Variants in MPDZ observed in about 807,000 individuals in gnomAD.
The protein encoded by MPDZ is multiple PDZ domain crumbs cell polarity complex component.
MPDZ carries 234 observed loss-of-function variants against 239.1 expected under a neutral mutation model. That is an observed-to-expected ratio of 0.98 (90% CI 0.88 to 1.09). The LOEUF (loss-of-function observed/expected upper bound fraction) is 1.09, where lower values mean the gene tolerates loss of function less well. Among genes scored for constraint, MPDZ ranks in the 50% least tolerant of loss-of-function variants. The probability of loss-of-function intolerance (pLI) is 0.00; values close to 1 mark genes in which losing one functional copy is unlikely to be tolerated. For synonymous variants in MPDZ, 1,048 were observed against 881.3 expected, an observed-to-expected ratio of 1.19 and a Z score of -3.35; for missense variants, 3,175 against 2,510.0, an observed-to-expected ratio of 1.26 and a Z score of -5.66.
At chr9:13,139,663 C>T (rs554410199) in intron 28 of MPDZ, among the ~76,000 whole-genome samples, 27 of 152,202 alleles carry the variant, frequency 1.8e-4, no homozygotes, top group Admixed American at 3.3e-4. Flanking sequence ...GAATCTGATG[C>T]CCAGAAAGGG....
At chr9:13,222,585 T>G (rs1005351232) in intron 5 of MPDZ, 139 bp from the exon 6 acceptor site, 4 of 684,618 alleles carry the variant, frequency 5.8e-6, no homozygotes, top group Non-Finnish European at 9.8e-6. Context: ...CAGTTCTACT[T>G]TAAAAAAAAT....
At chr9:13,169,963 T>C (rs918322272) in intron 21 of MPDZ, among the ~76,000 whole-genome samples, 19 of 152,180 alleles carry the variant, frequency 1.2e-4, no homozygotes, top group Admixed American at 1.0e-3. Flanking sequence ...ACAGACTCTA[T>C]CTGAATTAAT....
At chr9:13,201,347 TTCAG>T (rs1452327959) in intron 12 of MPDZ, among the ~76,000 whole-genome samples, 2 of 149,906 alleles carry the variant, frequency 1.3e-5, no homozygotes, top group African/African-American at 4.8e-5. Flanking sequence ...TCTTGATGCT[TTCAG>T]TATTTTTTTT....
At chr9:13,216,580 G>C (rs929355219) in intron 10 of MPDZ, among the ~76,000 whole-genome samples, 194 bp downstream of exon 10, 2 of 151,902 alleles carry the variant, frequency 1.3e-5, no homozygotes, top group Non-Finnish European at 2.9e-5. Flanking sequence ...ACTGAGATGA[G>C]TAAAGCTTAT....
At chr9:13,228,692 C>G (rs1381286461) in intron 3 of MPDZ, among the ~76,000 whole-genome samples, 1 of 152,094 alleles carries the variant, frequency 6.6e-6, no homozygotes, top group Non-Finnish European at 1.5e-5. Flanking sequence ...ATTTCATAAT[C>G]ATAAACATCT....
chr9:13,243,902 A>G (rs982477732), intron 3 of MPDZ, among the ~76,000 whole-genome samples: 5 of 152,212 alleles, frequency 3.3e-5, no homozygotes, highest in African/African-American at 1.2e-4. Flanking sequence ...TCTGAAGGTC[A>G]CTGACGAGGA....
At chr9:13,157,298 T>C (rs1261161739) in intron 24 of MPDZ, among the ~76,000 whole-genome samples, 2 of 152,190 alleles carry the variant, frequency 1.3e-5, no homozygotes, top group East Asian at 1.9e-4. Context: ...CTTGTGTTCT[T>C]AAATTGTTTC....
chr9:13,274,749 G>C (rs1003746191), intron 1 of MPDZ: 4 of 151,466 alleles, frequency 2.6e-5, no homozygotes, highest in African/African-American at 9.7e-5. Context: ...ACACGTATAA[G>C]ACAGACAGTT....
At chr9:13,264,043 C>A (rs1275347332) in intron 1 of MPDZ, among the ~76,000 whole-genome samples, 1 of 152,006 alleles carries the variant, frequency 6.6e-6, no homozygotes, top group Non-Finnish European at 1.5e-5. Flanking sequence ...AGTATCATAC[C>A]TTTTCCTATT....
At chr9:13,137,746 C>T (rs769356455) in intron 29 of MPDZ, among the ~76,000 whole-genome samples, 2 of 152,188 alleles carry the variant, frequency 1.3e-5, no homozygotes, top group Non-Finnish European at 2.9e-5. Flanking sequence ...TGGTGCTACA[C>T]AGTCATGACC....
intron 3 of MPDZ, among the ~76,000 whole-genome samples, chr9:13,236,192 T>A (rs1241449336): frequency 1.4e-5 from 1 of 73,734 alleles, no homozygotes; most frequent in Non-Finnish European, 2.8e-5. Flanking sequence ...TGTGTTTCTG[T>A]ATATATGTGT....
In MPDZ at chr9:13,221,419, T is replaced by C. The variant is rs751927395; in HGVS notation, c.829A>G (p.Thr277Ala). The C allele has an allele frequency of 1.3e-5, 21 of 1,611,278 alleles. No individual in the cohort carries two copies. The Admixed American group carries it at 3.2e-4, about 24-fold the overall frequency. The change falls in exon 7 of 47, where the codon ACT becomes GCT. Residue 277 changes from threonine to alanine, a missense_variant. Thr to Ala is a moderately conservative substitution (Grantham distance 58, BLOSUM62 0). Transcript: ENST00000319217. Reference sequence around the variant, plus strand: ...AGAATGGTTTTTACTATCACACCAGTTGCTTTTCCTCCTATGATGCCAAAT... The same window carrying C: ...AGAATGGTTTTTACTATCACACCAGCTGCTTTTCCTCCTATGATGCCAAAT... ...LGFGIIGGKA[T>A]GVIVKTILPG...
intron 1 of MPDZ, among the ~76,000 whole-genome samples, chr9:13,251,780 T>C (rs1968094212): frequency 6.6e-6 from 1 of 152,212 alleles, no homozygotes. Context: ...ATTTGCCTTA[T>C]CCCAATGTAG....
chr9:13,171,140 C>A (rs1226645937), intron 21 of MPDZ, among the ~76,000 whole-genome samples: 4 of 152,084 alleles, frequency 2.6e-5, no homozygotes, highest in African/African-American at 9.7e-5. Flanking sequence ...GTTTAAAGAA[C>A]TAAGTGAGAA....
chr9:13,184,837 T>C (rs1426763506), intron 18 of MPDZ, among the ~76,000 whole-genome samples: 1 of 151,892 alleles, frequency 6.6e-6, no homozygotes, highest in Non-Finnish European at 1.5e-5. Flanking sequence ...CTCAAAGAAA[T>C]TGAGTGACCA....
chr9:13,201,966 G>A (rs1022802817), intron 12 of MPDZ, among the ~76,000 whole-genome samples: 6 of 152,032 alleles, frequency 3.9e-5, no homozygotes, highest in East Asian at 3.9e-4. Flanking sequence ...ATTCTTCTGC[G>A]TCCATTGCTG....
intron 46 of MPDZ, 35 bp downstream of exon 46, chr9:13,108,901 G>C (rs747314089): frequency 5.0e-6 from 8 of 1,601,884 alleles, no homozygotes; most frequent in Middle Eastern, 1.7e-4. Flanking sequence ...TGAATGTTTA[G>C]GGGAAAAGAG....
chr9:13,193,946 G>A (rs1955289705), intron 13 of MPDZ, among the ~76,000 whole-genome samples: 1 of 152,122 alleles, frequency 6.6e-6, no homozygotes, highest in South Asian at 2.1e-4. Context: ...TGATTAAAAA[G>A]AGCTCTTTCA....
Position 13,183,483 on chromosome 9 carries a change from G to A in MPDZ, c.2584C>T (p.Leu862Phe), listed in dbSNP as rs1364983340. 2.5e-6 allele frequency: 4 copies of A among 1,612,302 alleles called. No individual in the cohort carries two copies. The highest frequency in any genetic ancestry group is 1.7e-5 in the Admixed American group (1 of 59,778). ...IYSTQASILSLHGSSCGDGLN... is the reference protein window; with the variant it reads ...IYSTQASILSFHGSSCGDGLN... ...CCATCACCACAAGAACTGCCATGAA[G>A]AGATAAAATAGAGGCTTGAGTAGAG... The change falls in exon 19 of 47, where the codon CTT becomes TTT. Residue 862 changes from leucine (L) to phenylalanine (F), a missense_variant. Coordinates refer to ENST00000319217, the MANE Select transcript of MPDZ (RefSeq NM_001378778.1).
Sources: gnomAD v4.1 joint callset for allele counts (sites outside exome capture counted in the v4.1 genomes callset) on GRCh38, gnomAD v4.1.1 for gene constraint, MANE v1.5 for transcripts, NCBI Gene and HGNC (gene_info 2026-07-23, HGNC 2026-07-21) for gene names.